The following LRRC49 variants were observed in gnomAD, a reference collection of about 807,000 sequenced individuals.
LRRC49 encodes the protein leucine-rich repeat-containing protein 49.
Under a neutral mutation model 83.3 loss-of-function variants are expected in LRRC49, and 50 were observed. That is an observed-to-expected ratio of 0.60 (90% CI 0.48 to 0.76). The LOEUF is 0.76. Among genes scored for constraint, LRRC49 ranks in the 30% least tolerant of loss-of-function variants. The probability of loss-of-function intolerance (pLI) is 0.00; values close to 1 mark genes in which losing one functional copy is unlikely to be tolerated. For missense variants in LRRC49, 704 were observed against 809.1 expected (o/e 0.87, Z 1.58); for synonymous variants, 286 against 283.3 (o/e 1.01, Z -0.10).
intron 15 of LRRC49, among the ~76,000 whole-genome samples, chr15:71,049,104 C>T (rs79415236): frequency 0.036 from 5,410 of 152,206 alleles, 152 homozygotes; most frequent in Middle Eastern, 0.061. Context: ...AGCTAAATGA[C>T]CTGAACTGAG....
At chr15:70,892,550 T>C (rs1248731773), upstream of LRRC49, 20 of 1,505,002 alleles carry the variant, frequency 1.3e-5, no homozygotes, top group Middle Eastern at 2.3e-4. Context: ...AGCGCTGAGG[T>C]GGGCCGTAAA....
At chr15:70,971,585 A>T (rs1158730822) in intron 9 of LRRC49, among the ~76,000 whole-genome samples, 2 of 152,110 alleles carry the variant, frequency 1.3e-5, no homozygotes, top group Non-Finnish European at 2.9e-5. Flanking sequence ...ATCTCCCATT[A>T]TTATTGTGTG....
rs757145042 is a variant in LRRC49, at chr15:70,904,731, G to A, written c.476G>A (p.Arg159His). The A allele has an allele frequency of 4.3e-6, 7 of 1,612,860 alleles. No homozygotes were observed. Among genetic ancestry groups the A allele is most frequent in the South Asian group, 2.2e-5 (2 of 90,890 alleles). ...GGGCTTTCGACTCTGAGATGTCTTC[G>A]TGTCCTTCTGTTGGGGAAAAACAGG... ...ISGLSTLRCL[R>H]VLLLGKNRIK... Residue 159 changes from arginine (R) to histidine (H), a missense_variant, in exon 5 of 16, where the codon CGT (arginine) becomes CAT (histidine). Arg to His is a conservative substitution (Grantham distance 29, BLOSUM62 0). This residue lies in a region of LRRC49 where 261 missense variants were observed against 330.5 expected (regional missense o/e 0.79). Coordinates refer to ENST00000260382, the MANE Select transcript of LRRC49 (RefSeq NM_017691.5).
intron 8 of LRRC49, among the ~76,000 whole-genome samples, chr15:70,951,581 A>G (rs959829048): frequency 6.6e-6 from 1 of 152,104 alleles, no homozygotes; most frequent in Non-Finnish European, 1.5e-5. Context: ...GGTGTATAGA[A>G]ATGCTACTGA....
intron 1 of LRRC49, among the ~76,000 whole-genome samples, chr15:70,862,300 C>T (rs568923065): frequency 7.9e-5 from 12 of 152,170 alleles, no homozygotes; most frequent in Admixed American, 5.9e-4. Flanking sequence ...TGAGGCTGGC[C>T]GGGCGCGGTG....
At chr15:70,889,307 AAAG>A (rs1470610220), upstream of LRRC49, among the ~76,000 whole-genome samples, 11 of 152,328 alleles carry the variant, frequency 7.2e-5, no homozygotes, top group Non-Finnish European at 1.3e-4. Flanking sequence ...ATGTTGAACA[AAAG>A]AAGCCAGACA....
chr15:70,893,747 A>C (rs909213263), intron 2 of LRRC49, 107 bp downstream of exon 2: 4 of 861,402 alleles, frequency 4.6e-6, no homozygotes, highest in Non-Finnish European at 7.3e-6. Flanking sequence ...AAATTTAAGT[A>C]GATTTGCTTT....
At chr15:70,889,953 A>G (rs2033509406), upstream of LRRC49, among the ~76,000 whole-genome samples, 1 of 152,168 alleles carries the variant, frequency 6.6e-6, no homozygotes, top group African/African-American at 2.4e-5. Flanking sequence ...AACCTTATAT[A>G]CTTTTAAAGT....
chr15:70,894,022 A>G (rs554438029), intron 2 of LRRC49, among the ~76,000 whole-genome samples: 1 of 152,122 alleles, frequency 6.6e-6, no homozygotes, highest in East Asian at 1.9e-4. Context: ...AGCCTCCTGA[A>G]TAGCTGGGAC....
intron 1 of LRRC49, among the ~76,000 whole-genome samples, chr15:70,853,707 G>A (rs1247300279): frequency 6.6e-6 from 1 of 152,180 alleles, no homozygotes; most frequent in Non-Finnish European, 1.5e-5. Context: ...GCGGGCTGGG[G>A]CACCGGCTGC....
chr15:71,041,131 C>T (rs1426866100), intron 15 of LRRC49, among the ~76,000 whole-genome samples: 2 of 152,138 alleles, frequency 1.3e-5, no homozygotes, highest in African/African-American at 4.8e-5. Flanking sequence ...CCAGCTAAGC[C>T]GTGCCTGGGT....
intron 1 of LRRC49, among the ~76,000 whole-genome samples, chr15:70,855,452 A>G (rs544262927): frequency 1.6e-4 from 24 of 152,348 alleles, no homozygotes; most frequent in African/African-American, 5.8e-4. Context: ...ATAATTTATC[A>G]TATTAATTTG....
intron 14 of LRRC49, among the ~76,000 whole-genome samples, chr15:71,018,729 A>G (rs1432238031): frequency 6.6e-6 from 1 of 152,098 alleles, no homozygotes; most frequent in Admixed American, 6.6e-5. Context: ...GTCAGATCCT[A>G]CAGGTTGAAA....
chr15:70,872,514 T>C, intron 1 of LRRC49, among the ~76,000 whole-genome samples: 1 of 152,136 alleles, frequency 6.6e-6, no homozygotes, highest in Non-Finnish European at 1.5e-5. Flanking sequence ...TGCTAAGAGA[T>C]GAGCCTAGGG....
rs553699686 is a variant in LRRC49, at chr15:70,986,525, A to C, written c.1169+2268A>C. On this transcript the variant is annotated intron_variant, in intron 11 of 15. Coordinates refer to ENST00000260382, the MANE Select transcript of LRRC49 (RefSeq NM_017691.5). The stretch of plus-strand genomic sequence containing the variant: ...GCTGAAGTTGCTTATCAGCTTAAGG[A>C]GATTTTGGGCTGAGACATTGGGGTT... Among the ~76,000 whole-genome samples the C allele has an allele frequency of 3.3e-5, 5 of 152,276 alleles. No homozygotes were observed. The South Asian group carries it at 6.2e-4, about 19-fold the overall frequency.
chr15:70,884,708 C>T (rs185105923), intron 2 of LRRC49, among the ~76,000 whole-genome samples: 1 of 152,126 alleles, frequency 6.6e-6, no homozygotes, highest in African/African-American at 2.4e-5. Flanking sequence ...AGAATAAACA[C>T]ATATTTCTTT....
In LRRC49 at chr15:70,919,038, T is replaced by G; in HGVS notation, c.568-12T>G. On this transcript the variant is annotated splice_polypyrimidine_tract_variant and intron_variant, in intron 6 of 15. Transcript: ENST00000260382. ...TGCCTGCTAATCACCCTTCTCCTAT[T>G]TTCTTTAACAGATTACCAAAATTGA... The G allele has an allele frequency of 6.2e-7, 1 of 1,604,524 alleles. No homozygotes were observed. The highest frequency in any genetic ancestry group is 8.5e-7 in the Non-Finnish European group (1 of 1,175,246).
intron 6 of LRRC49, among the ~76,000 whole-genome samples, chr15:70,917,965 T>C (rs912268327): frequency 2.0e-5 from 3 of 152,330 alleles, no homozygotes; most frequent in African/African-American, 7.2e-5. Flanking sequence ...TCACCTAGAC[T>C]TGAGAGCTCC....
intron 14 of LRRC49, among the ~76,000 whole-genome samples, chr15:71,020,743 A>G (rs1356617262): frequency 6.6e-6 from 1 of 152,242 alleles, no homozygotes; most frequent in Non-Finnish European, 1.5e-5. Flanking sequence ...TGAAGGTGAA[A>G]TAAAGACATT....
Sources: gnomAD v4.1 joint callset for allele counts (sites outside exome capture counted in the v4.1 genomes callset) on GRCh38, gnomAD v4.1.1 for gene constraint, gnomAD v4.1.1 regional missense constraint, MANE v1.5 for transcripts, NCBI Gene and HGNC (gene_info 2026-07-23, HGNC 2026-07-21) for gene names.